ROBO2: variants seen among roughly 807,000 people sequenced by gnomAD.
ROBO2 encodes roundabout guidance receptor 2, also known as roundabout homolog 2.
A neutral mutation model predicts 160.8 loss-of-function variants in ROBO2; 53 were observed. That is an observed-to-expected ratio of 0.33 (90% CI 0.26 to 0.41). The LOEUF (loss-of-function observed/expected upper bound fraction) is 0.41. Among genes scored for constraint, ROBO2 ranks in the 10% least tolerant of loss-of-function variants. The pLI is 1.00. For missense variants in ROBO2, 1,577 were observed against 1,722.4 expected, an observed-to-expected ratio of 0.92 and a Z score of 1.49; for synonymous variants, 664 against 611.7, an observed-to-expected ratio of 1.09 and a Z score of -1.26.
chr3:76,869,343 T>C (rs943278909), intron 2 of ROBO2, among the ~76,000 whole-genome samples: 9,322 of 49,046 alleles, frequency 0.19, 377 homozygotes, highest in South Asian at 0.23. Flanking sequence ...GAAATTGATG[T>C]TTTTTTTTTT....
chr3:77,299,762 T>C (rs1163913702), intron 2 of ROBO2, among the ~76,000 whole-genome samples: 1 of 151,994 alleles, frequency 6.6e-6, no homozygotes, highest in Non-Finnish European at 1.5e-5. Flanking sequence ...GTCAGACTAA[T>C]TGAAAATAGG....
At chr3:77,618,399 G>A (rs2094828326) in intron 22 of ROBO2, among the ~76,000 whole-genome samples, 1 of 152,104 alleles carries the variant, frequency 6.6e-6, no homozygotes, top group African/African-American at 2.4e-5. Flanking sequence ...TAAACTACAG[G>A]TGTCAGTTTA....
At chr3:77,393,362 T>C (rs893894625) in intron 2 of ROBO2, among the ~76,000 whole-genome samples, 2 of 151,994 alleles carry the variant, frequency 1.3e-5, no homozygotes, top group African/African-American at 4.8e-5. Context: ...CTTTAGCAGC[T>C]GGTGAACAGC....
At chr3:76,163,812 A>G (rs1300765884) in intron 2 of ROBO2, among the ~76,000 whole-genome samples, 1 of 151,922 alleles carries the variant, frequency 6.6e-6, no homozygotes, top group Non-Finnish European at 1.5e-5. Context: ...TAATCTTTTC[A>G]TGGTGGAGGA....
intron 2 of ROBO2, among the ~76,000 whole-genome samples, chr3:76,708,355 G>A (rs1332689814): frequency 2.0e-5 from 3 of 152,130 alleles, no homozygotes; most frequent in Non-Finnish European, 4.4e-5. Context: ...GAAGCACAAC[G>A]GTTTGGCAGT....
intron 2 of ROBO2, among the ~76,000 whole-genome samples, chr3:75,942,150 A>C (rs201400715): frequency 6.6e-6 from 1 of 152,246 alleles, no homozygotes; most frequent in African/African-American, 2.4e-5. Context: ...TACAGCTTTT[A>C]ATTAGAAAAT....
At chr3:77,577,739 A>ATATT (rs935592888) in intron 15 of ROBO2, 125 bp downstream of exon 16, 2 of 1,196,390 alleles carry the variant, frequency 1.7e-6, no homozygotes, top group Non-Finnish European at 1.2e-6. Context: ...TTTTATTTAT[A>ATATT]TTTCTGTGTG....
chr3:76,904,513 C>T (rs908713117), intron 2 of ROBO2, among the ~76,000 whole-genome samples: 1 of 152,094 alleles, frequency 6.6e-6, no homozygotes, highest in African/African-American at 2.4e-5. Context: ...TAAAAGAACA[C>T]ATGCTTTTAT....
chr3:77,309,737 C>A (rs1347954006), intron 2 of ROBO2, among the ~76,000 whole-genome samples: 1 of 152,182 alleles, frequency 6.6e-6, no homozygotes, highest in Admixed American at 6.5e-5. Context: ...ACTGACCTAG[C>A]TGAAATGTTT....
intron 2 of ROBO2, among the ~76,000 whole-genome samples, chr3:76,056,184 A>G (rs2067839830): frequency 6.6e-6 from 1 of 152,212 alleles, no homozygotes; most frequent in Non-Finnish European, 1.5e-5. Flanking sequence ...GATAATTTAA[A>G]GTATACGGGA....
In ROBO2 at chr3:76,401,901, A is replaced by C. The variant is rs183415493; in HGVS notation, c.109+464299A>C. Among the ~76,000 whole-genome samples the C allele has an allele frequency of 2.6e-5, 4 of 151,628 alleles. No homozygotes were observed. The East Asian group carries it at 7.8e-4, about 29-fold the overall frequency. ...AATAAGTGAATTCATCATAGCCTAG[A>C]ATACAAAGAAAAATTTTTAGAAATG... On this transcript the variant is annotated intron_variant, in intron 2 of 26. Coordinates refer to the ROBO2 transcript ENST00000487694.
intron 2 of ROBO2, among the ~76,000 whole-genome samples, chr3:76,380,227 T>G (rs888068432): frequency 4.6e-5 from 7 of 152,154 alleles, no homozygotes; most frequent in African/African-American, 1.7e-4. Context: ...TTTAATACAT[T>G]CACTTGGCTA....
chr3:76,432,615 C>T (rs577283939), intron 2 of ROBO2, among the ~76,000 whole-genome samples: 1 of 152,190 alleles, frequency 6.6e-6, no homozygotes, highest in Admixed American at 6.6e-5. Context: ...GAACCTCTCA[C>T]GACATAGCAG....
chr3:76,612,262 T>C (rs2088186862), intron 2 of ROBO2, among the ~76,000 whole-genome samples: 1 of 152,212 alleles, frequency 6.6e-6, no homozygotes, highest in Non-Finnish European at 1.5e-5. Context: ...TAAATATCCA[T>C]TGGGTCCATT....
At chr3:76,610,621 T>G (rs2088029102) in intron 2 of ROBO2, among the ~76,000 whole-genome samples, 1 of 152,200 alleles carries the variant, frequency 6.6e-6, no homozygotes, top group Admixed American at 6.5e-5. Flanking sequence ...ACAGCTCTCC[T>G]TCTCCTGTGG....
At chr3:77,363,534 C>G (rs2070363877) in intron 2 of ROBO2, among the ~76,000 whole-genome samples, 2 of 152,076 alleles carry the variant, frequency 1.3e-5, no homozygotes, top group Admixed American at 1.3e-4. Context: ...AAAATGAAGA[C>G]CCAAAGATGT....
At chr3:76,901,971 C>T (rs2075272184) in intron 2 of ROBO2, among the ~76,000 whole-genome samples, 1 of 151,824 alleles carries the variant, frequency 6.6e-6, no homozygotes, top group South Asian at 2.1e-4. Flanking sequence ...CATATTTTTT[C>T]CTGCATTCAT....
intron 2 of ROBO2, among the ~76,000 whole-genome samples, chr3:77,324,625 A>G (rs1005666992): frequency 4.7e-5 from 7 of 148,412 alleles, no homozygotes; most frequent in African/African-American, 1.8e-4. Context: ...TAAAAATACA[A>G]AAAAATTAGC....
intron 2 of ROBO2, among the ~76,000 whole-genome samples, chr3:77,326,642 A>G: frequency 6.6e-6 from 1 of 152,230 alleles, no homozygotes; most frequent in East Asian, 1.9e-4. Context: ...TTTTTCAAAC[A>G]AATCACAAAG....
Sources: allele counts gnomAD v4.1 joint callset (sites outside exome capture counted in the v4.1 genomes callset), GRCh38; gene constraint gnomAD v4.1.1; transcripts MANE v1.5; gene names NCBI Gene and HGNC (gene_info 2026-07-23, HGNC 2026-07-21).